LRFN2: variants seen among roughly 807,000 people sequenced by gnomAD.
LRFN2 encodes the protein leucine-rich repeat and fibronectin type-III domain-containing protein 2.
In LRFN2, 18 loss-of-function variants were observed where a neutral mutation model predicts 37.3. The observed-to-expected ratio is 0.48, with a 90% CI of 0.33 to 0.72. LRFN2 has a LOEUF of 0.72. LRFN2 is among the 30% of genes least tolerant of loss of function. The pLI is 0.02. For missense variants in LRFN2, 1,006 were observed against 1,060.7 expected (o/e 0.95, Z 0.72); for synonymous variants, 556 against 466.6 (o/e 1.19, Z -2.47).
chr6:40,505,071 C>G (rs1441599812), intron 1 of LRFN2, among the ~76,000 whole-genome samples: 1 of 152,210 alleles, frequency 6.6e-6, no homozygotes, highest in African/African-American at 2.4e-5. Flanking sequence ...GGGACAGTTG[C>G]CCGTGGCCTC....
At chr6:40,504,234 T>C (rs61471460) in intron 1 of LRFN2, among the ~76,000 whole-genome samples, 5,196 of 152,176 alleles carry the variant, frequency 0.034, 305 homozygotes, top group African/African-American at 0.12. Flanking sequence ...TTCCAATTGG[T>C]CCTGGATTCA....
At chr6:40,440,545 C>A (rs1224243208) in intron 1 of LRFN2, among the ~76,000 whole-genome samples, 1 of 152,158 alleles carries the variant, frequency 6.6e-6, no homozygotes, top group Non-Finnish European at 1.5e-5. Flanking sequence ...GACACAGTAG[C>A]CCTTGGCCCC....
chr6:40,562,783 T>C (rs1041138089), intron 1 of LRFN2, among the ~76,000 whole-genome samples: 3 of 151,510 alleles, frequency 2.0e-5, no homozygotes, highest in Non-Finnish European at 4.4e-5. Flanking sequence ...CTCCTAAGCC[T>C]CCATGGTACA....
intron 2 of LRFN2, among the ~76,000 whole-genome samples, chr6:40,420,269 C>T (rs979993832): frequency 1.3e-5 from 2 of 152,262 alleles, no homozygotes; most frequent in African/African-American, 4.8e-5. Context: ...TCCTGCCCCA[C>T]CTCTGAGACC....
chr6:40,432,048 C>T lies in LRFN2; in HGVS notation c.1066G>A (p.Ala356Thr). Residue 356 changes from alanine to threonine, a missense_variant, in exon 2 of 3, where the codon GCC becomes ACC. Ala to Thr is a moderately conservative substitution (Grantham distance 58, BLOSUM62 0). This residue lies in a region of LRFN2 where 303 missense variants were observed against 299.8 expected (regional missense o/e 1.01). Coordinates refer to ENST00000338305, the MANE Select transcript of LRFN2 (RefSeq NM_020737.3). ...GCATTGGCAGCAATGCAGGTGAAGGCACCACTGTCCTGAGATGTGGTGATG... is the reference window on the plus strand; with the variant it reads ...GCATTGGCAGCAATGCAGGTGAAGGTACCACTGTCCTGAGATGTGGTGATG... ...IFITTSQDSGAFTCIAANAAG... is the reference protein window; with the variant it reads ...IFITTSQDSGTFTCIAANAAG... 7 of 1,614,046 alleles carry T rather than the reference C, an allele frequency of 4.3e-6. No individual in the cohort carries two copies. Among genetic ancestry groups the T allele is most frequent in the East Asian group, 2.2e-5 (1 of 44,884 alleles).
intron 2 of LRFN2, among the ~76,000 whole-genome samples, chr6:40,394,187 C>T (rs184231768): frequency 6.6e-6 from 1 of 152,260 alleles, no homozygotes; most frequent in Admixed American, 6.5e-5. Context: ...TCACCCTGAA[C>T]TCTGGACCCT....
intron 1 of LRFN2, among the ~76,000 whole-genome samples, chr6:40,539,563 A>G (rs932632556): frequency 1.3e-5 from 2 of 152,184 alleles, no homozygotes; most frequent in African/African-American, 2.4e-5. Context: ...ACAGCAGACA[A>G]GAAAACAGAA....
At chr6:40,457,588 A>C (rs1184804191) in intron 1 of LRFN2, among the ~76,000 whole-genome samples, 1 of 148,676 alleles carries the variant, frequency 6.7e-6, no homozygotes, top group Non-Finnish European at 1.5e-5. Flanking sequence ...GCAGTGAGCC[A>C]TGATCATACC....
At chr6:40,466,365 G>A (rs1437318472) in intron 1 of LRFN2, among the ~76,000 whole-genome samples, 1 of 152,136 alleles carries the variant, frequency 6.6e-6, no homozygotes, top group Non-Finnish European at 1.5e-5. Flanking sequence ...GTTCCAGATG[G>A]GGAAATGAAG....
intron 1 of LRFN2, among the ~76,000 whole-genome samples, chr6:40,436,668 G>C (rs548423217): frequency 6.6e-6 from 1 of 152,116 alleles, no homozygotes; most frequent in Admixed American, 6.5e-5. Context: ...GGCCCCACCA[G>C]GTCACAGGTG....
intron 1 of LRFN2, among the ~76,000 whole-genome samples, chr6:40,489,315 G>C (rs1765034323): frequency 6.6e-6 from 1 of 152,232 alleles, no homozygotes; most frequent in Admixed American, 6.5e-5. Context: ...TTCAGAGCTG[G>C]AAGGGACTTG....
intron 2 of LRFN2, among the ~76,000 whole-genome samples, chr6:40,394,340 G>A (rs565049426): frequency 4.6e-5 from 7 of 152,234 alleles, no homozygotes; most frequent in African/African-American, 1.4e-4. Flanking sequence ...AGGTACCACT[G>A]TGTAGCTTTC....
intron 1 of LRFN2, among the ~76,000 whole-genome samples, chr6:40,464,808 T>A (rs1764423813): frequency 6.6e-6 from 1 of 151,972 alleles, no homozygotes; most frequent in Non-Finnish European, 1.5e-5. Flanking sequence ...GGATGGGAGC[T>A]GGTGAATAAG....
intron 1 of LRFN2, among the ~76,000 whole-genome samples, chr6:40,445,369 C>A (rs1029731545): frequency 1.3e-5 from 2 of 152,172 alleles, no homozygotes; most frequent in Admixed American, 1.3e-4. Context: ...GTATGTCCTA[C>A]CCCCTCCCAG....
At chr6:40,419,238 A>C (rs560753971) in intron 2 of LRFN2, among the ~76,000 whole-genome samples, 2 of 152,230 alleles carry the variant, frequency 1.3e-5, no homozygotes, top group African/African-American at 4.8e-5. Flanking sequence ...TGCTGAGCGC[A>C]GTTCATTCCC....
At chr6:40,501,718 C>A (rs897669935) in intron 1 of LRFN2, 2 of 152,124 alleles carry the variant, frequency 1.3e-5, no homozygotes, top group African/African-American at 4.8e-5. Context: ...CAGCCACGTG[C>A]CAGCGTGCCT....
intron 1 of LRFN2, among the ~76,000 whole-genome samples, chr6:40,493,369 T>C (rs1765138641): frequency 6.6e-6 from 1 of 152,230 alleles, no homozygotes; most frequent in Non-Finnish European, 1.5e-5. Context: ...GCTTACCAGC[T>C]GCTTCCCAAG....
intron 1 of LRFN2, among the ~76,000 whole-genome samples, chr6:40,541,882 C>A (rs147131458): frequency 2.8e-3 from 426 of 152,328 alleles, no homozygotes; most frequent in Middle Eastern, 6.8e-3. Flanking sequence ...TAAAGAGATT[C>A]TCATTATGTT....
chr6:40,537,351 C>T (rs1347545431), intron 1 of LRFN2, among the ~76,000 whole-genome samples: 1 of 152,180 alleles, frequency 6.6e-6, no homozygotes, highest in Non-Finnish European at 1.5e-5. Context: ...GGCACATATC[C>T]CCTCACTCCC....
Sources: gnomAD v4.1 joint callset for allele counts (sites outside exome capture counted in the v4.1 genomes callset) on GRCh38, gnomAD v4.1.1 for gene constraint, gnomAD v4.1.1 regional missense constraint, MANE v1.5 for transcripts, NCBI Gene and HGNC (gene_info 2026-07-23, HGNC 2026-07-21) for gene names.